The following WDPCP variants were observed in gnomAD, a reference collection of about 807,000 sequenced individuals.
The protein encoded by WDPCP is WD repeat-containing and planar cell polarity effector protein fritz homolog.
WDPCP carries 71 observed loss-of-function variants against 93.1 expected under a neutral mutation model. The observed-to-expected ratio is 0.76, with a 90% CI of 0.63 to 0.93. The LOEUF (loss-of-function observed/expected upper bound fraction) is 0.93. WDPCP is among the 40% of genes least tolerant of loss of function. WDPCP has a pLI of 0.00. For missense variants in WDPCP, 844 were observed against 887.4 expected (o/e 0.95, Z 0.62); for synonymous variants, 315 against 315.0 (o/e 1.00, Z 0.00).
intron 1 of WDPCP, among the ~76,000 whole-genome samples, chr2:63,562,100 G>C (rs1182037428): frequency 2.0e-5 from 3 of 152,094 alleles, no homozygotes; most frequent in Non-Finnish European, 4.4e-5. Flanking sequence ...ATTCACAATA[G>C]CAAAAACATG....
chr2:63,362,456 C>T (rs11900732), intron 12 of WDPCP, among the ~76,000 whole-genome samples: 27,922 of 151,618 alleles, frequency 0.18, 2,722 homozygotes, highest in Middle Eastern at 0.24. Context: ...ACTGTAGTCA[C>T]CAAGACTATG....
intron 17 of WDPCP, among the ~76,000 whole-genome samples, chr2:63,142,434 T>G (rs139102164): frequency 1.0e-3 from 158 of 152,308 alleles, no homozygotes; most frequent in African/African-American, 3.7e-3. Flanking sequence ...TTCTATGTAT[T>G]TGTATGGTTC....
chr2:63,723,648 T>C (rs1423632904), intron 2 of WDPCP, among the ~76,000 whole-genome samples: 2 of 150,218 alleles, frequency 1.3e-5, no homozygotes, highest in Non-Finnish European at 3.0e-5. Context: ...GTACTCAAGT[T>C]TACCTTTCTC....
At chr2:63,566,218 G>A (rs1707042502) in intron 1 of WDPCP, among the ~76,000 whole-genome samples, 1 of 152,196 alleles carries the variant, frequency 6.6e-6, no homozygotes, top group African/African-American at 2.4e-5. Context: ...AAGCTGCTTA[G>A]GGCAAACCTG....
At chr2:63,265,275 A>T (rs2901574) in intron 13 of WDPCP, among the ~76,000 whole-genome samples, 2 of 151,892 alleles carry the variant, frequency 1.3e-5, no homozygotes, top group African/African-American at 4.8e-5. Context: ...AACTGACTAA[A>T]CTTTTGGTAA....
chr2:63,313,007 A>G (rs1686296633), intron 13 of WDPCP, among the ~76,000 whole-genome samples: 1 of 152,142 alleles, frequency 6.6e-6, no homozygotes, highest in Non-Finnish European at 1.5e-5. Flanking sequence ...TTCAAGAATT[A>G]TAAATTCTTA....
intron 1 of WDPCP, among the ~76,000 whole-genome samples, chr2:63,825,809 G>A (rs568339729): frequency 4.7e-4 from 72 of 152,136 alleles, no homozygotes; most frequent in African/African-American, 1.6e-3. Flanking sequence ...ACTGGCCAAA[G>A]CAAGGCACAT....
rs1156290677 is a variant in WDPCP, at chr2:63,285,802, A to G, written c.1813-26393T>C. Among the ~76,000 whole-genome samples the G allele has an allele frequency of 9.2e-5, 14 of 152,330 alleles. 1 individual carries two copies. Among genetic ancestry groups the G allele is most frequent in the Non-Finnish European group, 1.5e-5 (1 of 68,036 alleles). ...TTTCCTATTTACTAGTTCTAAAGTAAAGAGGATTTAAACACTCCTCTCGAA... is the reference window on the plus strand; with the variant it reads ...TTTCCTATTTACTAGTTCTAAAGTAGAGAGGATTTAAACACTCCTCTCGAA... On this transcript the variant is annotated intron_variant, in intron 13 of 17. Coordinates refer to ENST00000272321, the MANE Select transcript of WDPCP (RefSeq NM_015910.7).
intron 13 of WDPCP, among the ~76,000 whole-genome samples, chr2:63,269,064 T>C (rs922511421): frequency 3.3e-5 from 5 of 152,146 alleles, no homozygotes; most frequent in Admixed American, 1.3e-4. Flanking sequence ...TTGGAGTCAC[T>C]TTATAAAATT....
intron 15 of WDPCP, among the ~76,000 whole-genome samples, chr2:63,170,474 T>C (rs1416907764): frequency 3.9e-5 from 6 of 152,040 alleles, no homozygotes; most frequent in Admixed American, 2.6e-4. Context: ...GGTTTCACCA[T>C]GTTGGCCAGG....
chr2:63,444,696 C>T (rs1031512277), intron 6 of WDPCP, among the ~76,000 whole-genome samples: 3 of 152,118 alleles, frequency 2.0e-5, no homozygotes, highest in Non-Finnish European at 4.4e-5. Flanking sequence ...TGAAAAGACC[C>T]GCAGGATGAA....
At chr2:63,127,662 CATATATATATATATATATATAT>C (rs67091232) in intron 17 of WDPCP, among the ~76,000 whole-genome samples, 3 of 131,720 alleles carry the variant, frequency 2.3e-5, no homozygotes, top group South Asian at 2.5e-4. Context: ...TGTGTATGTG[CATATATATATATATATATATAT>C]ATATATATAT....
intron 1 of WDPCP, among the ~76,000 whole-genome samples, chr2:63,579,776 G>T (rs1425388460): frequency 2.0e-5 from 3 of 152,020 alleles, no homozygotes; most frequent in Admixed American, 6.6e-5. Context: ...CAGATAGACA[G>T]ACAGACAGAC....
chr2:63,722,488 C>A (rs1300197336), intron 2 of WDPCP, among the ~76,000 whole-genome samples: 2 of 149,886 alleles, frequency 1.3e-5, no homozygotes, highest in Admixed American at 6.6e-5. Context: ...AGCCCCTCCG[C>A]CCGGCAGCCG....
intron 14 of WDPCP, among the ~76,000 whole-genome samples, chr2:63,205,113 T>G (rs1676234509): frequency 6.6e-6 from 1 of 152,170 alleles, no homozygotes; most frequent in Non-Finnish European, 1.5e-5. Flanking sequence ...TTTCCCCCAG[T>G]GTATGCTTTT....
intron 2 of WDPCP, among the ~76,000 whole-genome samples, chr2:63,698,199 G>GC: frequency 6.6e-6 from 1 of 150,382 alleles, no homozygotes; most frequent in East Asian, 2.0e-4. Context: ...CAGGTGATCT[G>GC]CCACCTTGGC....
intron 2 of WDPCP, among the ~76,000 whole-genome samples, chr2:63,670,048 G>A (rs1710325790): frequency 6.6e-6 from 1 of 152,132 alleles, no homozygotes; most frequent in Admixed American, 6.5e-5. Flanking sequence ...GATAATAATT[G>A]TTAGGTATTA....
At chr2:63,170,357 C>T (rs1172756433) in intron 15 of WDPCP, among the ~76,000 whole-genome samples, 2 of 151,812 alleles carry the variant, frequency 1.3e-5, no homozygotes, top group Non-Finnish European at 2.9e-5. Context: ...ACTGCAACCT[C>T]CGCCTCCTGG....
At chr2:63,532,777 A>G (rs1028698899) in intron 1 of WDPCP, among the ~76,000 whole-genome samples, 3 of 152,308 alleles carry the variant, frequency 2.0e-5, no homozygotes, top group Admixed American at 2.0e-4. Context: ...AAAGACCATC[A>G]ATGCTAGGAA....
Sources: gnomAD v4.1 joint callset for allele counts (sites outside exome capture counted in the v4.1 genomes callset) on GRCh38, gnomAD v4.1.1 for gene constraint, MANE v1.5 for transcripts, NCBI Gene and HGNC (gene_info 2026-07-23, HGNC 2026-07-21) for gene names.